PLXNA2: variants seen among roughly 807,000 people sequenced by gnomAD.
PLXNA2 encodes the protein plexin-A2.
PLXNA2 carries 91 observed loss-of-function variants against 193.5 expected under a neutral mutation model. The ratio of observed to expected loss-of-function variants is 0.47; its 90% CI spans 0.40 to 0.56. The LOEUF (loss-of-function observed/expected upper bound fraction) is 0.56, where lower values mean the gene tolerates loss of function less well. Ranked by LOEUF, PLXNA2 falls within the 20% of genes least tolerant of loss-of-function variation. The pLI, the probability that PLXNA2 is intolerant of heterozygous loss-of-function variation, is 0.00. For missense variants in PLXNA2, 1,995 were observed against 2,503.2 expected (o/e 0.80, Z 4.33); for synonymous variants, 997 against 1,027.3 (o/e 0.97, Z 0.56).
At chr1:208,191,219 C>T (rs549417031) in intron 3 of PLXNA2, among the ~76,000 whole-genome samples, 15 of 152,300 alleles carry the variant, frequency 9.8e-5, no homozygotes, top group African/African-American at 2.6e-4. Flanking sequence ...CTGCCTCACG[C>T]GGAAACACAG....
At chr1:208,195,682 A>G (rs985852844) in intron 3 of PLXNA2, among the ~76,000 whole-genome samples, 7 of 151,800 alleles carry the variant, frequency 4.6e-5, no homozygotes, top group African/African-American at 1.5e-4. Context: ...GGCAACATGC[A>G]TCATAAAAAG....
intron 22 of PLXNA2, 93 bp downstream of exon 22, chr1:208,042,005 C>T: frequency 7.3e-7 from 1 of 1,363,520 alleles, no homozygotes; most frequent in Admixed American, 2.0e-5. Context: ...GGGAGTGGGC[C>T]TTCTCATGCT....
intron 3 of PLXNA2, among the ~76,000 whole-genome samples, chr1:208,194,501 A>C (rs960509437): frequency 6.6e-6 from 1 of 151,074 alleles, no homozygotes; most frequent in Non-Finnish European, 1.5e-5. Context: ...AAAAACATAC[A>C]TGCAGTATAA....
chr1:208,039,852 G>A (rs1410976909), intron 23 of PLXNA2, 85 bp from the exon 24 acceptor site: 1 of 1,600,562 alleles, frequency 6.2e-7, no homozygotes, highest in Non-Finnish European at 8.6e-7. Context: ...AGCGAGGCCA[G>A]TGGAAGGAAG....
At chr1:208,131,634 G>A (rs531625985) in intron 4 of PLXNA2, among the ~76,000 whole-genome samples, 3 of 152,124 alleles carry the variant, frequency 2.0e-5, no homozygotes, top group Non-Finnish European at 4.4e-5. Context: ...TTAGGGCCAG[G>A]GATTGAGCTG....
In PLXNA2 at chr1:208,190,657, C is replaced by G. The variant is rs549115285; in HGVS notation, c.1371+19623G>C. Among the ~76,000 whole-genome samples the G allele has an allele frequency of 7.0e-4, 106 of 152,348 alleles. 1 individual carries two copies. Among genetic ancestry groups the G allele is most frequent in the Middle Eastern group, 3.4e-3 (1 of 294 alleles). Reference sequence around the variant, plus strand: ...CTACCCACTAGACGCCAATAGCTCTCTTTGCCCAAGACATAGCAATGAAAA... The same window carrying G: ...CTACCCACTAGACGCCAATAGCTCTGTTTGCCCAAGACATAGCAATGAAAA... On this transcript the variant is annotated intron_variant, in intron 3 of 31. Coordinates refer to ENST00000367033, the MANE Select transcript of PLXNA2 (RefSeq NM_025179.4).
intron 4 of PLXNA2, among the ~76,000 whole-genome samples, chr1:208,124,668 A>G (rs1667912591): frequency 6.9e-6 from 1 of 145,408 alleles, no homozygotes; most frequent in Admixed American, 6.9e-5. Context: ...GACAACAGCA[A>G]AACTCCGTCT....
chr1:208,212,324 G>A lies in PLXNA2; in HGVS notation c.1189-1862C>T, dbSNP rs558537462. 1.2e-4 allele frequency among the ~76,000 whole-genome samples: 18 copies of A among 152,238 alleles called. 1 individual carries two copies. The South Asian group carries it at 3.7e-3, about 32-fold the overall frequency. On this transcript the variant is annotated intron_variant, in intron 2 of 31. Transcript: ENST00000367033. ...TCCTTTCTCTTCTCAGTCCCAAAAGGAGCAGAGACTCATTTTTTGTGGTTC... is the reference window on the plus strand; with the variant it reads ...TCCTTTCTCTTCTCAGTCCCAAAAGAAGCAGAGACTCATTTTTTGTGGTTC...
intron 12 of PLXNA2, among the ~76,000 whole-genome samples, chr1:208,067,811 G>A (rs994728282): frequency 5.9e-5 from 9 of 152,298 alleles, no homozygotes; most frequent in Admixed American, 5.9e-4. Flanking sequence ...ATGGTTAAGC[G>A]ATGCATGACT....
At chr1:208,117,422 T>C (rs1456338460) in intron 4 of PLXNA2, among the ~76,000 whole-genome samples, 1 of 151,958 alleles carries the variant, frequency 6.6e-6, no homozygotes, top group Non-Finnish European at 1.5e-5. Context: ...AGTACTTCCC[T>C]TGCAGCAGAT....
In PLXNA2 at chr1:208,069,859, G is replaced by A. The variant is rs77451134; in HGVS notation, c.2587-9022C>T. Among the ~76,000 whole-genome samples the A allele has an allele frequency of 3.4e-3, 521 of 152,302 alleles. 4 individuals carry two copies. Among genetic ancestry groups the A allele is most frequent in the African/African-American group, 0.012 (500 of 41,564 alleles). On this transcript the variant is annotated intron_variant, in intron 12 of 31. Transcript: ENST00000367033. ...TGAGAATGATGGCTGCTGCTTTCAC[G>A]TTTGTTAAGTGCTTATAATGAGTAA...
intron 14 of PLXNA2, among the ~76,000 whole-genome samples, chr1:208,054,063 A>G (rs1665348293): frequency 6.6e-6 from 1 of 152,214 alleles, no homozygotes; most frequent in Admixed American, 6.5e-5. Context: ...CATCCTCATT[A>G]GGCTAGAATT....
chr1:208,081,571 A>T (rs193052782), intron 11 of PLXNA2, among the ~76,000 whole-genome samples: 26 of 152,224 alleles, frequency 1.7e-4, no homozygotes, highest in African/African-American at 5.8e-4. Context: ...CTGAAATTAG[A>T]CTGTCTTGGT....
At chr1:208,076,224 C>T (rs1666145098) in intron 12 of PLXNA2, among the ~76,000 whole-genome samples, 1 of 151,962 alleles carries the variant, frequency 6.6e-6, no homozygotes, top group Non-Finnish European at 1.5e-5. Context: ...TGCACCACTA[C>T]ACCCAGCAAA....
intron 3 of PLXNA2, among the ~76,000 whole-genome samples, chr1:208,149,247 T>A (rs553312583): frequency 6.0e-4 from 91 of 152,094 alleles, no homozygotes; most frequent in Non-Finnish European, 1.1e-3. Flanking sequence ...TGTGTGTGTA[T>A]GAGTCTGTTG....
At position 208,217,753 on chromosome 1, in the gene PLXNA2, T is replaced by C. The variant is rs11119014; in HGVS notation, c.170A>G (p.Gln57Arg). 0.075 allele frequency: 120,260 copies of C among 1,614,080 alleles called. 5,056 individuals are homozygous for C. Among genetic ancestry groups the C allele is most frequent in the East Asian group, 0.13 (5,980 of 44,868 alleles). The change falls in exon 2 of 32, where the codon CAA becomes CGA. Residue 57 changes from glutamine to arginine, a missense_variant. Physicochemically the swap from Gln to Arg is conservative, Grantham distance 43. Transcript: ENST00000367033. This position sits in a 1 kb window ranked among gnomAD's most constrained non-coding sequence, Gnocchi z 4.7. ...DWTFNHLTVH[Q>R]GTGAVYVGAI... Reference sequence around the variant, plus strand: ...CCCCACATAGACGGCCCCCGTCCCTTGGTGGACGGTCAAGTGGTTGAAGGT... The same window carrying C: ...CCCCACATAGACGGCCCCCGTCCCTCGGTGGACGGTCAAGTGGTTGAAGGT...
chr1:208,109,069 C>G (rs1258787383), intron 4 of PLXNA2, among the ~76,000 whole-genome samples: 3 of 152,222 alleles, frequency 2.0e-5, no homozygotes, highest in Non-Finnish European at 4.4e-5. Flanking sequence ...GTACACCTGT[C>G]CTCACACGTG....
intron 3 of PLXNA2, among the ~76,000 whole-genome samples, chr1:208,153,341 C>A (rs1276643097): frequency 6.6e-6 from 1 of 152,188 alleles, no homozygotes; most frequent in African/African-American, 2.4e-5. Flanking sequence ...TCCCCAAGGT[C>A]ACAAAGCTGG....
intron 4 of PLXNA2, 45 bp from the exon 5 acceptor site, chr1:208,103,292 G>C: frequency 6.9e-7 from 1 of 1,440,918 alleles, no homozygotes; most frequent in South Asian, 1.2e-5. Context: ...AGGCTGTGAC[G>C]ACTAGCAGGT....
Sources: gnomAD v4.1 joint callset for allele counts (sites outside exome capture counted in the v4.1 genomes callset) on GRCh38, gnomAD v4.1.1 for gene constraint, Gnocchi (gnomAD v3.1) non-coding constraint, MANE v1.5 for transcripts, NCBI Gene and HGNC (gene_info 2026-07-23, HGNC 2026-07-21) for gene names.